OAT: variants seen among roughly 807,000 people sequenced by gnomAD.
OAT encodes the protein ornithine aminotransferase, mitochondrial.
A neutral mutation model predicts 48.4 loss-of-function variants in OAT; 35 were observed. The ratio of observed to expected loss-of-function variants is 0.72; its 90% CI spans 0.55 to 0.96. The LOEUF is 0.96. Among genes scored for constraint, OAT ranks in the 40% least tolerant of loss-of-function variants. The pLI, the probability that OAT is intolerant of heterozygous loss-of-function variation, is 0.00. For missense variants in OAT, 438 were observed against 537.9 expected, an observed-to-expected ratio of 0.81 and a Z score of 1.84; for synonymous variants, 182 against 198.4, an observed-to-expected ratio of 0.92 and a Z score of 0.70.
rs777264135 is a variant in OAT, at chr10:124,412,069, G to A, written c.103C>T (p.Gln35Ter). ...ATGTCATCAGAGGTTGGAGGGCCTTGGACTGTTTTTTTAGTTGCAACAGAT... is the reference window on the plus strand; with the variant it reads ...ATGTCATCAGAGGTTGGAGGGCCTTAGACTGTTTTTTTAGTTGCAACAGAT... ...ATSVATKKTV[Q>*]GPPTSDDIFE... The change falls in exon 2 of 10, where the codon CAA becomes TAA. Residue 35 changes from glutamine (Q) to a stop codon, truncating the protein, a stop_gained. Transcript: ENST00000368845. LOFTEE classifies it high-confidence loss of function. 1.9e-6 allele frequency: 3 copies of A among 1,614,174 alleles called. No individual in the cohort carries two copies. The highest frequency in any genetic ancestry group is 2.5e-6 in the Non-Finnish European group (3 of 1,180,036).
At chr10:124,414,212 C>A (rs1357079862) in intron 1 of OAT, 1 of 152,156 alleles carries the variant, frequency 6.6e-6, no homozygotes, top group African/African-American at 2.4e-5. Flanking sequence ...ATTCGAGCTG[C>A]CAAATTAGCA....
intron 2 of OAT, among the ~76,000 whole-genome samples, chr10:124,411,181 G>C (rs1372618154): frequency 3.0e-5 from 4 of 134,698 alleles, no homozygotes; most frequent in Non-Finnish European, 4.7e-5. Context: ...GAGATGTCAT[G>C]TCTGCAACTT....
In OAT at chr10:124,401,786, C is replaced by T; in HGVS notation, c.954G>A (p.Glu318=). ...GATTGCCACCGTATGTGGACCCATG[C>T]TCCCCTGGCTTAATGGTCAGCATGA... ...DDIMLTIKPG[E]HGSTYGGNPL... Residue 318 remains glutamate, a synonymous_variant, in exon 8 of 10, where the codon GAG becomes GAA. Transcript: ENST00000368845. The T allele has an allele frequency of 6.2e-7, 1 of 1,613,364 alleles. No individual in the cohort carries two copies. The highest frequency in any genetic ancestry group is 8.5e-7 in the Non-Finnish European group (1 of 1,179,850).
chr10:124,409,073 A>T (rs1028951394), intron 2 of OAT, 108 bp from the exon 3 acceptor site: 7 of 711,074 alleles, frequency 9.8e-6, no homozygotes, highest in Non-Finnish European at 1.7e-5. Context: ...ATGAACCTCT[A>T]TTTAATACAT....
intron 4 of OAT, chr10:124,406,829 AAT>A: frequency 2.8e-6 from 1 of 360,172 alleles, no homozygotes; most frequent in South Asian, 1.1e-4. Context: ...AAAGTTGGGA[AAT>A]AGATCATGAT....
At chr10:124,411,915 A>T in intron 2 of OAT, 58 bp downstream of exon 2, 1 of 1,497,286 alleles carries the variant, frequency 6.7e-7, no homozygotes, top group Non-Finnish European at 9.3e-7. Flanking sequence ...TATGGAAGCA[A>T]TTTTTTTTTA....
chr10:124,401,792 T>C lies in OAT; in HGVS notation c.948A>G (p.Pro316=). 6 of 1,613,462 alleles carry C rather than the reference T, an allele frequency of 3.7e-6. No homozygotes were observed. Among genetic ancestry groups the C allele is most frequent in the Non-Finnish European group, 5.1e-6 (6 of 1,179,856 alleles). The change falls in exon 8 of 10, where the codon CCA becomes CCG. Residue 316 remains proline (P), a synonymous_variant. Coordinates refer to ENST00000368845, the MANE Select transcript of OAT (RefSeq NM_000274.4). ...CDDDIMLTIK[P]GEHGSTYGGN... ...CACCGTATGTGGACCCATGCTCCCC[T>C]GGCTTAATGGTCAGCATGATGTCAT... is the stretch of plus-strand genomic sequence containing the variant.
chr10:124,418,407 G>C (rs1000205517), intron 1 of OAT, among the ~76,000 whole-genome samples: 2 of 152,150 alleles, frequency 1.3e-5, no homozygotes, highest in Non-Finnish European at 2.9e-5. Context: ...CAGGAACCAA[G>C]GGTGCCCAAA....
At chr10:124,403,713 G>T in intron 6 of OAT, 85 bp downstream of exon 6, 1 of 1,556,734 alleles carries the variant, frequency 6.4e-7, no homozygotes, top group African/African-American at 1.4e-5. Flanking sequence ...AGAATTCAGA[G>T]AGGAGTTGGG....
In OAT at chr10:124,404,557, G is replaced by A. The variant is rs530160448; in HGVS notation, c.649-637C>T. Among the ~76,000 whole-genome samples, 13 of 152,104 alleles carry A rather than the reference G, an allele frequency of 8.5e-5. No individual in the cohort carries two copies. In the South Asian group the frequency reaches 1.2e-3, roughly 15 times the overall value. The stretch of plus-strand genomic sequence containing the variant: ...CTGCCTCGGCCTCCCAAAGTGCTGC[G>A]ATTACAGGCGTGAGTCACCGCGCCT... On this transcript the variant is annotated intron_variant, in intron 5 of 9. Transcript: ENST00000368845.
chr10:124,417,579 G>A (rs1258574670), intron 1 of OAT, among the ~76,000 whole-genome samples: 5 of 152,144 alleles, frequency 3.3e-5, no homozygotes, highest in Non-Finnish European at 7.4e-5. Flanking sequence ...GAGCCACCGT[G>A]CCGGGCTAAA....
Position 124,403,698 on chromosome 10 carries a change from T to C in OAT, c.771+100A>G, listed in dbSNP as rs979242755. The C allele has an allele frequency of 3.3e-6, 5 of 1,494,868 alleles. No individual in the cohort carries two copies. The African/African-American group carries it at 6.9e-5, about 21-fold the overall frequency. The allele number at this position is 1,494,868 out of a possible 1,614,324, so 92.6% of individuals were successfully genotyped here. On this transcript the variant is annotated intron_variant, in intron 6 of 9. Coordinates refer to ENST00000368845, the MANE Select transcript of OAT (RefSeq NM_000274.4). Reference sequence around the variant, plus strand: ...TAATTTAATCTTTGCATTTATCCAATCAGCAGAATTCAGAGAGGAGTTGGG... The same window carrying C: ...TAATTTAATCTTTGCATTTATCCAACCAGCAGAATTCAGAGAGGAGTTGGG...
intron 4 of OAT, chr10:124,407,198 T>G: frequency 1.0e-6 from 1 of 985,460 alleles, no homozygotes; most frequent in African/African-American, 1.7e-5. Flanking sequence ...CTAGGTTTGT[T>G]TAAGAAGAAA....
intron 1 of OAT, among the ~76,000 whole-genome samples, chr10:124,413,774 T>C (rs1951833769): frequency 6.6e-6 from 1 of 152,134 alleles, no homozygotes; most frequent in Non-Finnish European, 1.5e-5. Context: ...ATCCGTTACT[T>C]GTATGAGTGT....
chr10:124,401,783 A>G lies in OAT; in HGVS notation c.957T>C (p.His319=), dbSNP rs1162641842. 9 of 1,613,266 alleles carry G rather than the reference A, an allele frequency of 5.6e-6. No homozygotes were observed. Among genetic ancestry groups the G allele is most frequent in the African/African-American group, 1.3e-5 (1 of 74,918 alleles). Residue 319 remains histidine (H), a synonymous_variant, in exon 8 of 10, where the codon CAT becomes CAC. Transcript: ENST00000368845. ...GTGGATTGCCACCGTATGTGGACCC[A>G]TGCTCCCCTGGCTTAATGGTCAGCA... ...DIMLTIKPGE[H]GSTYGGNPLG...
In OAT at chr10:124,403,903, T is replaced by G. The variant is rs1333498261; in HGVS notation, c.666A>C (p.Pro222=). 1 of 1,614,150 alleles carries G rather than the reference T, an allele frequency of 6.2e-7. No individual in the cohort carries two copies. The highest frequency in any genetic ancestry group is 8.5e-7 in the Non-Finnish European group (1 of 1,179,990). The change falls in exon 6 of 10, where the codon CCA becomes CCC. Residue 222 remains proline, a synonymous_variant. Transcript: ENST00000368845. The part of the protein sequence containing the change: ...LPALERALQD[P]NVAAFMVEPI... ...GTTCTACCATGAACGCAGCCACATT[T>G]GGATCCTGAAGAGCACGCTACAGAA...
chr10:124,402,765 C>G (rs1431195551), intron 7 of OAT, among the ~76,000 whole-genome samples, 162 bp downstream of exon 7: 1 of 152,200 alleles, frequency 6.6e-6, no homozygotes, highest in Non-Finnish European at 1.5e-5. Context: ...ACACACTGGT[C>G]CCTTAAATGT....
Position 124,397,897 on chromosome 10 carries a change from G to A in OAT, c.*45C>T, listed in dbSNP as rs767832855. 5.0e-6 allele frequency: 8 copies of A among 1,611,562 alleles called. No individual in the cohort carries two copies. The African/African-American group carries it at 1.1e-4, about 22-fold the overall frequency. On this transcript the variant is annotated 3_prime_UTR_variant, in exon 10 of 10. Transcript: ENST00000368845. Reference sequence around the variant, plus strand: ...GAATAAAGCTTTTACAGGACCACCTGTCTCCAGCTGGCTCCCAGGGACCAC... The same window carrying A: ...GAATAAAGCTTTTACAGGACCACCTATCTCCAGCTGGCTCCCAGGGACCAC...
rs1424302227 is a variant in OAT at position 124,401,789 on chromosome 10, C to T, written c.951G>A (p.Gly317=). The part of the protein sequence containing the change: ...DDDIMLTIKP[G]EHGSTYGGNP... Reference sequence around the variant, plus strand: ...TGCCACCGTATGTGGACCCATGCTCCCCTGGCTTAATGGTCAGCATGATGT... The same window carrying T: ...TGCCACCGTATGTGGACCCATGCTCTCCTGGCTTAATGGTCAGCATGATGT... Residue 317 remains glycine, a synonymous_variant, in exon 8 of 10, where the codon GGG becomes GGA. Transcript: ENST00000368845. 3 of 1,613,274 alleles carry T rather than the reference C, an allele frequency of 1.9e-6. No homozygotes were observed. Among genetic ancestry groups the T allele is most frequent in the Non-Finnish European group, 2.5e-6 (3 of 1,179,860 alleles).
Sources: allele counts gnomAD v4.1 joint callset (sites outside exome capture counted in the v4.1 genomes callset), GRCh38; gene constraint gnomAD v4.1.1; transcripts MANE v1.5; gene names NCBI Gene and HGNC (gene_info 2026-07-23, HGNC 2026-07-21).